Variants in DCTD observed in about 807,000 individuals in gnomAD.
The protein encoded by DCTD is dCMP deaminase, also known as deoxycytidylate deaminase.
In DCTD, 23 loss-of-function variants were observed where a neutral mutation model predicts 21.0. The ratio of observed to expected loss-of-function variants is 1.09; its 90% CI spans 0.79 to 1.55. The LOEUF is 1.55. DCTD is among the 40% of genes most tolerant of loss of function. The probability of loss-of-function intolerance (pLI) is 0.00; values close to 1 mark genes in which losing one functional copy is unlikely to be tolerated. For missense variants in DCTD, 224 were observed against 230.0 expected, an observed-to-expected ratio of 0.97 and a Z score of 0.17; for synonymous variants, 71 against 81.1, an observed-to-expected ratio of 0.88 and a Z score of 0.67.
At chr4:182,906,598 C>A (rs919418282) in intron 3 of DCTD, among the ~76,000 whole-genome samples, 2 of 152,202 alleles carry the variant, frequency 1.3e-5, no homozygotes, top group African/African-American at 4.8e-5. Flanking sequence ...CAGCAGACAA[C>A]TGAAACTGGT....
intron 3 of DCTD, among the ~76,000 whole-genome samples, chr4:182,897,537 T>G (rs1330547134): frequency 6.6e-6 from 1 of 151,360 alleles, no homozygotes; most frequent in Admixed American, 6.6e-5. Flanking sequence ...TACATATATA[T>G]AAAGCTACTG....
intron 3 of DCTD, among the ~76,000 whole-genome samples, chr4:182,896,272 C>T (rs1374485108): frequency 6.6e-6 from 1 of 152,234 alleles, no homozygotes; most frequent in Non-Finnish European, 1.5e-5. Context: ...TGTTCGGGTG[C>T]AGCTGCAGCT....
rs1038971593 is a variant in DCTD, at chr4:182,891,067, C to T, written c.*332G>A. 11 of 250,684 alleles carry T rather than the reference C, an allele frequency of 4.4e-5. No homozygotes were observed. The East Asian group carries it at 5.5e-4, about 13-fold the overall frequency. The allele number at this position is 250,684 out of a possible 1,614,324, so 15.5% of individuals were successfully genotyped here. A position where few individuals can be genotyped will look rare whatever the true frequency, so the allele number is the denominator to read the frequency against. On this transcript the variant is annotated 3_prime_UTR_variant, in exon 6 of 6. Coordinates refer to ENST00000438320, the MANE Select transcript of DCTD (RefSeq NM_001921.3). ...TAGCAGTGAAGAGAGGCTGCCGGAT[C>T]GCAGCAGATGACAGACAGCTGATGC...
intron 3 of DCTD, among the ~76,000 whole-genome samples, chr4:182,914,032 G>T (rs558089526): frequency 1.3e-5 from 2 of 152,200 alleles, no homozygotes; most frequent in South Asian, 4.1e-4. Context: ...TTTTGAGACA[G>T]AGTCTTGCTC....
chr4:182,901,945 C>A (rs1447001569), intron 3 of DCTD, among the ~76,000 whole-genome samples: 1 of 152,160 alleles, frequency 6.6e-6, no homozygotes, highest in East Asian at 1.9e-4. Flanking sequence ...GGAGCACCTG[C>A]ACCCCTGCCC....
Position 182,891,329 on chromosome 4 carries a change from A to G in DCTD, c.*70T>C. The stretch of plus-strand genomic sequence containing the variant: ...TAGTAAGAAGTTATGTGTAACTTCA[A>G]GATGAAAGGCATTAGCAACCTCTTA... On this transcript the variant is annotated 3_prime_UTR_variant, in exon 6 of 6. Transcript: ENST00000438320. The G allele has an allele frequency of 9.3e-7, 1 of 1,070,152 alleles. No individual in the cohort carries two copies. 66.3% of individuals were successfully genotyped at this position (1,070,152 alleles called of 1,614,324 possible).
At chr4:182,897,830 C>G (rs575445284) in intron 3 of DCTD, among the ~76,000 whole-genome samples, 27 of 152,298 alleles carry the variant, frequency 1.8e-4, no homozygotes, top group South Asian at 1.5e-3. Flanking sequence ...AGCCCTGCCC[C>G]CTTCGTAACT....
intron 3 of DCTD, among the ~76,000 whole-genome samples, chr4:182,914,405 G>C (rs1037755651): frequency 1.3e-5 from 2 of 152,232 alleles, no homozygotes; most frequent in South Asian, 2.1e-4. Flanking sequence ...CTGATGTCTA[G>C]TTCACAGTTT....
intron 3 of DCTD, among the ~76,000 whole-genome samples, chr4:182,904,570 G>A (rs1221076704): frequency 6.6e-6 from 1 of 152,182 alleles, no homozygotes; most frequent in African/African-American, 2.4e-5. Context: ...GCCTCAGGCA[G>A]CGCACTGATC....
At chr4:182,916,379 A>G in intron 1 of DCTD, 1 of 985,408 alleles carries the variant, frequency 1.0e-6, no homozygotes, top group Non-Finnish European at 1.2e-6. Context: ...GAATGAAACA[A>G]GGGCAAGGAA....
At chr4:182,908,620 C>CT (rs1436131897) in intron 3 of DCTD, among the ~76,000 whole-genome samples, 1 of 139,480 alleles carries the variant, frequency 7.2e-6, no homozygotes, top group Non-Finnish European at 1.5e-5. Context: ...GAGGTGGAGG[C>CT]TGCAGTGAGC....
chr4:182,911,526 G>T (rs1167466834), intron 3 of DCTD: 1 of 152,152 alleles, frequency 6.6e-6, no homozygotes, highest in Non-Finnish European at 1.5e-5. Context: ...ATGAGACAAT[G>T]ATTGGCATTT....
At chr4:182,898,545 C>T (rs924246958) in intron 3 of DCTD, among the ~76,000 whole-genome samples, 2 of 152,178 alleles carry the variant, frequency 1.3e-5, no homozygotes, top group African/African-American at 4.8e-5. Flanking sequence ...AGGTGACTTT[C>T]TCTAAAACAA....
In DCTD at chr4:182,891,057, G is replaced by A; in HGVS notation, c.*342C>T. 4.3e-6 allele frequency: 1 copy of A among 234,728 alleles called. No individual in the cohort carries two copies. The highest frequency in any genetic ancestry group is 8.3e-6 in the Non-Finnish European group (1 of 120,388). 14.5% of individuals were successfully genotyped at this position (234,728 alleles called of 1,614,324 possible). On this transcript the variant is annotated 3_prime_UTR_variant, in exon 6 of 6. Transcript: ENST00000438320. Reference sequence around the variant, plus strand: ...CCAGCACATGTAGCAGTGAAGAGAGGCTGCCGGATCGCAGCAGATGACAGA... The same window carrying A: ...CCAGCACATGTAGCAGTGAAGAGAGACTGCCGGATCGCAGCAGATGACAGA...
intron 3 of DCTD, among the ~76,000 whole-genome samples, chr4:182,913,710 T>G (rs1026271491): frequency 1.3e-5 from 2 of 152,206 alleles, no homozygotes; most frequent in African/African-American, 4.8e-5. Context: ...TTCTCAGACA[T>G]AAAATACAGG....
chr4:182,899,615 G>A (rs1232270181), intron 3 of DCTD, among the ~76,000 whole-genome samples: 1 of 152,076 alleles, frequency 6.6e-6, no homozygotes, highest in Non-Finnish European at 1.5e-5. Flanking sequence ...TGGCCAGGCT[G>A]GTCTGGAACT....
In DCTD at chr4:182,917,085, GCCCGC is replaced by G. The variant is rs1294477658; in HGVS notation, c.-8+221_-8+225del. 2 of 986,086 alleles carry G rather than the reference GCCCGC, an allele frequency of 2.0e-6. No individual in the cohort carries two copies. Among genetic ancestry groups the G allele is most frequent in the East Asian group, 2.3e-4 (2 of 8,794 alleles). The allele number at this position is 986,086 out of a possible 1,614,324, so 61.1% of individuals were successfully genotyped here. A position where few individuals can be genotyped will look rare whatever the true frequency, so the allele number is the denominator to read the frequency against. On this transcript the variant is annotated intron_variant, in intron 1 of 5. Coordinates refer to ENST00000438320, the MANE Select transcript of DCTD (RefSeq NM_001921.3). This position sits in a 1 kb window ranked among gnomAD's most constrained non-coding sequence, Gnocchi z 4.9. ...GGCCCGGCCTCGCACAGGCCGCGGC[GCCCGC>G]CGAGAAATCGACCCTGGAGTGACTG... is the stretch of plus-strand genomic sequence containing the variant.
chr4:182,917,455 T>G (rs1738951032), upstream of DCTD: 1 of 298,570 alleles, frequency 3.3e-6, no homozygotes, highest in Non-Finnish European at 4.6e-6. The surrounding 1 kb of genome is among the most constrained non-coding windows in gnomAD (Gnocchi z 4.9). Context: ...GGACGGCGGC[T>G]GGCCCCGGGG....
chr4:182,916,792 T>C (rs535445792), intron 1 of DCTD: 1 of 1,124,178 alleles, frequency 8.9e-7, no homozygotes, highest in Admixed American at 3.6e-5. Context: ...GTCCTGTTAA[T>C]CCCCTGGGCG....
Sources: gnomAD v4.1 joint callset for allele counts (sites outside exome capture counted in the v4.1 genomes callset) on GRCh38, gnomAD v4.1.1 for gene constraint, Gnocchi (gnomAD v3.1) non-coding constraint, MANE v1.5 for transcripts, NCBI Gene and HGNC (gene_info 2026-07-23, HGNC 2026-07-21) for gene names.